Variants in ANKRD12 observed in about 807,000 individuals in gnomAD.
ANKRD12 encodes the protein ankyrin repeat domain-containing protein 12.
In ANKRD12, 85 loss-of-function variants were observed where a neutral mutation model predicts 183.4. The ratio of observed to expected loss-of-function variants is 0.46; its 90% CI spans 0.39 to 0.56. The LOEUF (loss-of-function observed/expected upper bound fraction) is 0.56. Among genes scored for constraint, ANKRD12 ranks in the 20% least tolerant of loss-of-function variants. The pLI is 0.00. For missense variants in ANKRD12, 2,405 were observed against 2,357.1 expected, an observed-to-expected ratio of 1.02 and a Z score of -0.42; for synonymous variants, 914 against 800.2, an observed-to-expected ratio of 1.14 and a Z score of -2.40.
intron 8 of ANKRD12, among the ~76,000 whole-genome samples, chr18:9,226,831 A>G (rs919654685): frequency 1.3e-5 from 2 of 151,996 alleles, no homozygotes; most frequent in South Asian, 2.1e-4. Flanking sequence ...TTTTTAAAAA[A>G]AATAAAGCCA....
intron 8 of ANKRD12, among the ~76,000 whole-genome samples, chr18:9,251,733 G>A (rs1448724767): frequency 6.6e-6 from 1 of 152,138 alleles, no homozygotes; most frequent in African/African-American, 2.4e-5. Flanking sequence ...GATGGAGGTT[G>A]CAGTGAGCCA....
At chr18:9,188,772 T>C (rs1450282283) in intron 2 of ANKRD12, among the ~76,000 whole-genome samples, 1 of 152,256 alleles carries the variant, frequency 6.6e-6, no homozygotes, top group East Asian at 1.9e-4. Flanking sequence ...GTTACTGTTG[T>C]AGTTGTTTTG....
In ANKRD12 at chr18:9,257,488, A is replaced by G; in HGVS notation, c.4221A>G (p.Pro1407=). 2 of 1,614,104 alleles carry G rather than the reference A, an allele frequency of 1.2e-6. No individual in the cohort carries two copies. Among genetic ancestry groups the G allele is most frequent in the Non-Finnish European group, 1.7e-6 (2 of 1,179,980 alleles). ...TVMDSPVHLE[P]SSQVGVIQNK... is the part of the protein sequence containing the mutation. ...TGGACAGTCCAGTGCATTTAGAGCC[A>G]TCTAGTCAGGTTGGTGTGATCCAGA... The change falls in exon 9 of 13, where the codon CCA becomes CCG. Residue 1407 remains proline (P), a synonymous_variant. Coordinates refer to ENST00000262126, the MANE Select transcript of ANKRD12 (RefSeq NM_015208.5).
At chr18:9,213,239 T>C (rs1432968883) in intron 6 of ANKRD12, among the ~76,000 whole-genome samples, 1 of 151,946 alleles carries the variant, frequency 6.6e-6, no homozygotes, top group Non-Finnish European at 1.5e-5. Flanking sequence ...TTTATGTCTT[T>C]ATTTGCTGTG....
intron 8 of ANKRD12, among the ~76,000 whole-genome samples, chr18:9,236,347 A>T (rs1461640903): frequency 6.6e-6 from 1 of 152,216 alleles, no homozygotes; most frequent in Non-Finnish European, 1.5e-5. Flanking sequence ...TGAGAGAATG[A>T]TAAATTTAAA....
rs1270827111 is a variant in ANKRD12, at chr18:9,251,447, T to C, written c.944-2764T>C. Among the ~76,000 whole-genome samples, 11 of 152,222 alleles carry C rather than the reference T, an allele frequency of 7.2e-5. No homozygotes were observed. In the East Asian group the frequency reaches 1.7e-3, roughly 24 times the overall value. On this transcript the variant is annotated intron_variant, in intron 8 of 12. Coordinates refer to ENST00000262126, the MANE Select transcript of ANKRD12 (RefSeq NM_015208.5). ...CTTGAGATGTGCAAGAACTTTCAAA[T>C]GTATTTAAATGCATTTAAATAATAA...
chr18:9,179,394 G>A (rs2033533916), intron 1 of ANKRD12, among the ~76,000 whole-genome samples: 1 of 152,088 alleles, frequency 6.6e-6, no homozygotes. Context: ...TTCTAATTCT[G>A]GTTTGCTGAG....
At chr18:9,150,046 G>A (rs1466635998) in intron 1 of ANKRD12, among the ~76,000 whole-genome samples, 4 of 151,970 alleles carry the variant, frequency 2.6e-5, no homozygotes, top group African/African-American at 9.7e-5. Flanking sequence ...ATCTCGCCTC[G>A]GCCTCACAAA....
At chr18:9,227,934 A>G (rs2144823862) in intron 8 of ANKRD12, among the ~76,000 whole-genome samples, 1 of 151,962 alleles carries the variant, frequency 6.6e-6, no homozygotes, top group Admixed American at 6.6e-5. Flanking sequence ...ATCCACATCC[A>G]TTGCTTCCCC....
At chr18:9,236,749 G>A (rs117784820) in intron 8 of ANKRD12, among the ~76,000 whole-genome samples, 2,045 of 152,258 alleles carry the variant, frequency 0.013, 18 homozygotes, top group Non-Finnish European at 0.024. Context: ...AAATTTTTCT[G>A]AGCCGAAAAA....
chr18:9,158,224 T>A (rs1283248609), intron 1 of ANKRD12, among the ~76,000 whole-genome samples: 2 of 152,212 alleles, frequency 1.3e-5, no homozygotes, highest in Non-Finnish European at 2.9e-5. Context: ...TCTATTAACA[T>A]CTTACATTGG....
At chr18:9,241,295 A>G (rs2037647613) in intron 8 of ANKRD12, among the ~76,000 whole-genome samples, 1 of 152,204 alleles carries the variant, frequency 6.6e-6, no homozygotes, top group Admixed American at 6.5e-5. Flanking sequence ...GCATATGAGT[A>G]TACCTATAAT....
At chr18:9,188,153 G>C (rs2034224229) in intron 2 of ANKRD12, among the ~76,000 whole-genome samples, 2 of 152,212 alleles carry the variant, frequency 1.3e-5, no homozygotes, top group Non-Finnish European at 2.9e-5. Flanking sequence ...AATAGCAGTA[G>C]CCAGAGTATC....
Position 9,281,531 on chromosome 18 carries a change from A to G in ANKRD12, c.*405A>G, listed in dbSNP as rs184873393. 1.3e-5 allele frequency: 2 copies of G among 153,248 alleles called. No individual in the cohort carries two copies. The highest frequency in any genetic ancestry group is 1.3e-4 in the Admixed American group (2 of 15,302). 9.5% of individuals were successfully genotyped at this position (153,248 alleles called of 1,614,324 possible). A position where few individuals can be genotyped will look rare whatever the true frequency, so the allele number is the denominator to read the frequency against. On this transcript the variant is annotated 3_prime_UTR_variant, in exon 13 of 13. Transcript: ENST00000262126. Reference sequence around the variant, plus strand: ...AAACTAAAAGGTTCAATTCCTACCAAATAGTTTCTAATGTGGGAGAAAAAC... The same window carrying G: ...AAACTAAAAGGTTCAATTCCTACCAGATAGTTTCTAATGTGGGAGAAAAAC...
Position 9,258,377 on chromosome 18 carries a change from C to T in ANKRD12, c.5110C>T (p.Gln1704Ter). Reference protein sequence around the residue: ...SLENHSQQSTQPEMHKYGQLV... With the variant: ...SLENHSQQST ...GGAAAACCATTCACAGCAGTCAACT[C>T]AACCAGAAATGCATAAATATGGTCA... The change falls in exon 9 of 13, where the codon CAA (glutamine) becomes TAA (stop). Residue 1704 changes from glutamine to a stop codon, truncating the protein, a stop_gained. Coordinates refer to ENST00000262126, the MANE Select transcript of ANKRD12 (RefSeq NM_015208.5). LOFTEE classifies it high-confidence loss of function. 1 of 1,613,656 alleles carries T rather than the reference C, an allele frequency of 6.2e-7. No individual in the cohort carries two copies. Among genetic ancestry groups the T allele is most frequent in the Non-Finnish European group, 8.5e-7 (1 of 1,179,902 alleles).
At chr18:9,206,270 T>C (rs1463871143) in intron 4 of ANKRD12, among the ~76,000 whole-genome samples, 1 of 152,092 alleles carries the variant, frequency 6.6e-6, no homozygotes, top group African/African-American at 2.4e-5. Context: ...TTGTCTATTA[T>C]TAGGGCAAGT....
intron 10 of ANKRD12, among the ~76,000 whole-genome samples, chr18:9,270,536 G>A (rs936807722): frequency 4.6e-5 from 7 of 152,164 alleles, no homozygotes; most frequent in African/African-American, 1.2e-4. Flanking sequence ...AACAGTGCAT[G>A]TTCTCACTCA....
At chr18:9,177,537 A>G (rs994173937) in intron 1 of ANKRD12, among the ~76,000 whole-genome samples, 1 of 152,032 alleles carries the variant, frequency 6.6e-6, no homozygotes, top group African/African-American at 2.4e-5. Flanking sequence ...ATTATTTAGG[A>G]TATTCATCAC....
At chr18:9,222,949 T>C (rs942810435) in intron 8 of ANKRD12, among the ~76,000 whole-genome samples, 6 of 152,174 alleles carry the variant, frequency 3.9e-5, no homozygotes, top group African/African-American at 1.4e-4. Flanking sequence ...ATAAAAACTT[T>C]TGGCAGTGAG....
Sources: gnomAD v4.1 joint callset for allele counts (sites outside exome capture counted in the v4.1 genomes callset) on GRCh38, gnomAD v4.1.1 for gene constraint, MANE v1.5 for transcripts, NCBI Gene and HGNC (gene_info 2026-07-23, HGNC 2026-07-21) for gene names.